CFAP47: variants seen among roughly 807,000 people sequenced by gnomAD.
The protein encoded by CFAP47 is cilia- and flagella-associated protein 47.
A neutral mutation model predicts 148.1 loss-of-function variants in CFAP47; 29 were observed. That is an observed-to-expected ratio of 0.20 (90% CI 0.15 to 0.27). The LOEUF is 0.27. CFAP47 is among the 10% of genes least tolerant of loss of function. CFAP47 has a pLI of 1.00. For missense variants in CFAP47, 1,872 were observed against 1,697.5 expected, an observed-to-expected ratio of 1.10 and a Z score of -1.81; for synonymous variants, 664 against 577.3, an observed-to-expected ratio of 1.15 and a Z score of -2.15.
intron 49 of CFAP47, among the ~76,000 whole-genome samples, chrX:36,266,294 G>A (rs1165389164): frequency 9.0e-6 from 1 of 110,619 alleles, no homozygotes; most frequent in Non-Finnish European, 1.9e-5. Flanking sequence ...ACCACTGATG[G>A]GACACACTGT....
At chrX:36,023,183 G>A (rs1322580112) in intron 22 of CFAP47, among the ~76,000 whole-genome samples, 1 of 112,582 alleles carries the variant, frequency 8.9e-6, no homozygotes, top group Non-Finnish European at 1.9e-5. Flanking sequence ...GGCACCCCAA[G>A]CCCAATAACA....
At chrX:35,932,723 T>C (rs1490976170) in intron 2 of CFAP47, among the ~76,000 whole-genome samples, 1 of 109,964 alleles carries the variant, frequency 9.1e-6, no homozygotes, top group Non-Finnish European at 1.9e-5. Context: ...GCCTCCTGGG[T>C]TCAAGTGATT....
At chrX:35,968,999 A>G (rs1028197142) in intron 10 of CFAP47, among the ~76,000 whole-genome samples, 1 of 110,074 alleles carries the variant, frequency 9.1e-6, no homozygotes, top group Non-Finnish European at 1.9e-5. Flanking sequence ...ACATATGTAT[A>G]TATGTATATA....
At chrX:36,150,337 A>G (rs1005181711) in intron 37 of CFAP47, among the ~76,000 whole-genome samples, 4 of 112,162 alleles carry the variant, frequency 3.6e-5, no homozygotes, top group African/African-American at 1.3e-4. Context: ...CATGCTAATG[A>G]CATAAATACT....
At chrX:36,229,668 G>A (rs1201096073) in intron 46 of CFAP47, among the ~76,000 whole-genome samples, 1 of 109,406 alleles carries the variant, frequency 9.1e-6, no homozygotes, top group Admixed American at 9.8e-5. Context: ...CTGCAGGTTA[G>A]TTACATATGT....
intron 49 of CFAP47, among the ~76,000 whole-genome samples, chrX:36,252,008 A>G (rs1940698293): frequency 9.0e-6 from 1 of 110,981 alleles, no homozygotes; most frequent in Non-Finnish European, 1.9e-5. Context: ...GAGAGGGGTA[A>G]GAAGTGATAG....
intron 33 of CFAP47, among the ~76,000 whole-genome samples, chrX:36,122,247 C>T (rs1041807720): frequency 8.1e-5 from 9 of 110,956 alleles, no homozygotes; most frequent in African/African-American, 2.6e-4. Context: ...CTTGATCTTT[C>T]GAAGTTTGAT....
intron 49 of CFAP47, among the ~76,000 whole-genome samples, chrX:36,260,076 G>GGT (rs781880900): frequency 0.015 from 1,293 of 84,083 alleles, 9 homozygotes; most frequent in Middle Eastern, 0.06. Flanking sequence ...AGTGTTCCAT[G>GGT]GTGTGTGTGT....
chrX:36,041,201 T>C (rs1034285290), intron 25 of CFAP47, among the ~76,000 whole-genome samples: 12 of 110,989 alleles, frequency 1.1e-4, no homozygotes, highest in African/African-American at 3.9e-4. Flanking sequence ...AAGTTTCTTC[T>C]TTGAAAGAGG....
intron 50 of CFAP47, among the ~76,000 whole-genome samples, chrX:36,281,938 A>G (rs1356356099): frequency 3.6e-5 from 4 of 111,713 alleles, no homozygotes; most frequent in Non-Finnish European, 7.5e-5. Context: ...GAAATATTTC[A>G]GAGACTAGCA....
chrX:36,257,438 T>A lies in CFAP47; in HGVS notation c.7444+5994T>A, dbSNP rs782231405. Among the ~76,000 whole-genome samples the A allele has an allele frequency of 2.2e-3, 244 of 108,586 alleles. 2 individuals carry two copies. The highest frequency in any genetic ancestry group is 6.6e-3 in the East Asian group (23 of 3,460). 94.3% of individuals were successfully genotyped at this position (108,586 alleles called of 115,157 possible). ...CTTTTTTCTTTCTTTTTTTTTTTTT[T>A]AAATTGAGACAGGGTCTCACCCTGT... On this transcript the variant is annotated intron_variant, in intron 49 of 63. Transcript: ENST00000378653.
At chrX:35,968,271 C>T (rs1400337721) in intron 10 of CFAP47, among the ~76,000 whole-genome samples, 5 of 110,552 alleles carry the variant, frequency 4.5e-5, no homozygotes, top group African/African-American at 1.6e-4. Context: ...TCATCCTCCT[C>T]ATCATCATCA....
chrX:36,062,307 ATAT>A (rs941262786), intron 26 of CFAP47, among the ~76,000 whole-genome samples: 29 of 111,737 alleles, frequency 2.6e-4, no homozygotes, highest in African/African-American at 9.1e-4. Context: ...AAGTGCTAAA[ATAT>A]TATAAATACA....
intron 59 of CFAP47, among the ~76,000 whole-genome samples, chrX:36,351,091 G>A (rs917073007): frequency 3.6e-5 from 4 of 111,785 alleles, no homozygotes; most frequent in Non-Finnish European, 7.5e-5. Context: ...AGAAGAGACA[G>A]TAGTAAGTTT....
intron 30 of CFAP47, among the ~76,000 whole-genome samples, chrX:36,087,993 T>A (rs73470944): frequency 5.4e-5 from 6 of 111,608 alleles, no homozygotes; most frequent in African/African-American, 2.0e-4. Flanking sequence ...TGTGTCCTCA[T>A]GTGGTTTTTC....
intron 33 of CFAP47, among the ~76,000 whole-genome samples, chrX:36,115,776 G>C (rs773424131): frequency 9.0e-6 from 1 of 111,623 alleles, no homozygotes; most frequent in Admixed American, 9.5e-5. Flanking sequence ...CTTTACTAGA[G>C]CCATTTCCAT....
chrX:36,198,991 C>T (rs1412309903), intron 42 of CFAP47, among the ~76,000 whole-genome samples: 1 of 112,092 alleles, frequency 8.9e-6, no homozygotes, highest in Admixed American at 9.5e-5. Flanking sequence ...GTTTCTACAA[C>T]AAAAATGTTT....
intron 8 of CFAP47, among the ~76,000 whole-genome samples, chrX:35,962,678 A>G (rs1252811033): frequency 9.0e-6 from 1 of 110,736 alleles, no homozygotes; most frequent in African/African-American, 3.3e-5. Flanking sequence ...TTCACTGTCA[A>G]CCTATTTGTA....
At chrX:36,062,600 C>T (rs1209145024) in intron 26 of CFAP47, among the ~76,000 whole-genome samples, 1 of 111,387 alleles carries the variant, frequency 9.0e-6, no homozygotes, top group Non-Finnish European at 1.9e-5. Flanking sequence ...AGGATGTACA[C>T]ATGGTCTCCA....
Sources: gnomAD v4.1 joint callset for allele counts (sites outside exome capture counted in the v4.1 genomes callset) on GRCh38, gnomAD v4.1.1 for gene constraint, MANE v1.5 for transcripts, NCBI Gene and HGNC (gene_info 2026-07-23, HGNC 2026-07-21) for gene names.